The following GAB1 variants were observed in gnomAD, a reference collection of about 807,000 sequenced individuals.
GAB1 encodes the protein GRB2-associated-binding protein 1.
In GAB1, 19 loss-of-function variants were observed where a neutral mutation model predicts 66.5. The observed-to-expected ratio is 0.29, with a 90% confidence interval of 0.20 to 0.42. The LOEUF (loss-of-function observed/expected upper bound fraction) is 0.42, where lower values mean the gene tolerates loss of function less well. Among genes scored for constraint, GAB1 ranks in the 10% least tolerant of loss-of-function variants. The pLI is 1.00. For synonymous variants in GAB1, 294 were observed against 301.4 expected, an observed-to-expected ratio of 0.98 and a Z score of 0.25; for missense variants, 732 against 858.5, an observed-to-expected ratio of 0.85 and a Z score of 1.84.
intron 6 of GAB1, chr4:143,457,745 G>T: frequency 6.3e-7 from 1 of 1,577,280 alleles, no homozygotes. Flanking sequence ...ACAAACCATA[G>T]GTGACTTTGC....
intron 1 of GAB1, among the ~76,000 whole-genome samples, chr4:143,346,584 A>G (rs1240893389): frequency 2.0e-5 from 3 of 152,200 alleles, no homozygotes; most frequent in Non-Finnish European, 1.5e-5. Flanking sequence ...AGCGTTTTGA[A>G]TTCCAGTGCT....
chr4:143,449,287 C>G (rs1202523898), intron 6 of GAB1, among the ~76,000 whole-genome samples: 1 of 151,728 alleles, frequency 6.6e-6, no homozygotes, highest in Non-Finnish European at 1.5e-5. Context: ...GTGGAGAGTT[C>G]TGTAGATGTC....
intron 1 of GAB1, among the ~76,000 whole-genome samples, chr4:143,347,017 C>T (rs962268755): frequency 1.3e-5 from 2 of 152,210 alleles, no homozygotes; most frequent in Admixed American, 6.5e-5. Flanking sequence ...GAAAAGCAAG[C>T]GTAATATATT....
chr4:143,449,330 A>G (rs1056385204), intron 6 of GAB1, among the ~76,000 whole-genome samples: 4 of 151,694 alleles, frequency 2.6e-5, no homozygotes, highest in African/African-American at 7.3e-5. Context: ...GCTGAGTTCA[A>G]TTCCTGGGTA....
chr4:143,461,779 T>G (rs932510967), intron 8 of GAB1, among the ~76,000 whole-genome samples: 4 of 152,200 alleles, frequency 2.6e-5, no homozygotes, highest in African/African-American at 9.6e-5. Context: ...TGGCCCTATA[T>G]TATTTAAAAC....
chr4:143,447,344 A>G (rs927053738), intron 6 of GAB1, among the ~76,000 whole-genome samples: 2 of 152,206 alleles, frequency 1.3e-5, no homozygotes, highest in African/African-American at 4.8e-5. Context: ...AGTCATTGGT[A>G]GATTGATGGG....
chr4:143,401,151 A>G (rs1029923802), intron 1 of GAB1, among the ~76,000 whole-genome samples: 2 of 152,138 alleles, frequency 1.3e-5, no homozygotes, highest in Non-Finnish European at 2.9e-5. Context: ...CTATAAGTAG[A>G]TTGTCTAGTA....
chr4:143,354,248 G>T (rs1729352301), intron 1 of GAB1, among the ~76,000 whole-genome samples: 5 of 151,782 alleles, frequency 3.3e-5, no homozygotes, highest in Admixed American at 2.6e-4. Flanking sequence ...ATATATCTTG[G>T]TGTATCTCCT....
chr4:143,437,143 C>G (rs1733979671), intron 3 of GAB1, among the ~76,000 whole-genome samples: 1 of 151,408 alleles, frequency 6.6e-6, no homozygotes, highest in African/African-American at 2.4e-5. Flanking sequence ...AAGGTAAGCC[C>G]TTTAAAAAAA....
At chr4:143,447,021 A>C (rs34211583) in intron 6 of GAB1, among the ~76,000 whole-genome samples, 16,671 of 152,166 alleles carry the variant, frequency 0.11, 1,243 homozygotes, top group Non-Finnish European at 0.17. Flanking sequence ...GTGGCTAGCC[A>C]GTTTTCCCAG....
Position 143,466,106 on chromosome 4 carries a change from C to A in GAB1, c.1807C>A (p.Leu603Ile). Residue 603 changes from leucine to isoleucine, a missense_variant, in exon 9 of 10, where the codon CTC becomes ATC. By Grantham distance (5) the Leu-to-Ile change is conservative. Around this residue, in one of 4 missense-constraint regions of GAB1, gnomAD observed 204 missense variants for 276.8 expected, o/e 0.74. Transcript: ENST00000262994. ...NPNLSSEDPN[L>I]FGSNSLDGGS... is the part of the protein sequence containing the mutation. ...TTTTGTTGTCTAATACTTTCAGAAT[C>A]TCTTTGGCAGTAACAGTCTTGATGG... The A allele has an allele frequency of 6.2e-7, 1 of 1,613,406 alleles. No homozygotes were observed. Among genetic ancestry groups the A allele is most frequent in the South Asian group, 1.1e-5 (1 of 91,018 alleles).
At chr4:143,462,862 A>G (rs1735574633) in intron 8 of GAB1, among the ~76,000 whole-genome samples, 1 of 152,076 alleles carries the variant, frequency 6.6e-6, no homozygotes. Flanking sequence ...GGGTTTCATC[A>G]TGTTGCGCAG....
At chr4:143,390,714 A>G (rs1731146316) in intron 1 of GAB1, among the ~76,000 whole-genome samples, 1 of 152,164 alleles carries the variant, frequency 6.6e-6, no homozygotes, top group South Asian at 2.1e-4. Context: ...TAAAGGGCAT[A>G]CAACTTTTTT....
chr4:143,403,617 C>G (rs1416261761), intron 1 of GAB1, among the ~76,000 whole-genome samples: 1 of 152,192 alleles, frequency 6.6e-6, no homozygotes, highest in African/African-American at 2.4e-5. Flanking sequence ...ACACCCGTAG[C>G]CCTCATGGGG....
chr4:143,406,429 C>T (rs1475442384), intron 1 of GAB1, among the ~76,000 whole-genome samples: 2 of 152,170 alleles, frequency 1.3e-5, no homozygotes, highest in Non-Finnish European at 1.5e-5. Context: ...CCTCTGCCTC[C>T]GCAAGTTCTT....
intron 9 of GAB1, among the ~76,000 whole-genome samples, chr4:143,468,502 T>C (rs1735917037): frequency 6.6e-6 from 1 of 151,856 alleles, no homozygotes; most frequent in African/African-American, 2.4e-5. Flanking sequence ...CGTGAGCCAC[T>C]GTGCCCAGCT....
chr4:143,339,201 C>G (rs1728751270), intron 1 of GAB1, among the ~76,000 whole-genome samples: 3 of 152,214 alleles, frequency 2.0e-5, no homozygotes, highest in African/African-American at 7.2e-5. Flanking sequence ...TCACCTAGTT[C>G]ATTTCAAATG....
intron 6 of GAB1, among the ~76,000 whole-genome samples, 193 bp from the exon 7 acceptor site, chr4:143,459,192 T>C (rs1382428801): frequency 6.6e-6 from 1 of 152,108 alleles, no homozygotes; most frequent in African/African-American, 2.4e-5. Flanking sequence ...TGATTTAGCT[T>C]TTACCACTAA....
chr4:143,418,230 G>T (rs1732801302), intron 2 of GAB1, among the ~76,000 whole-genome samples: 1 of 152,230 alleles, frequency 6.6e-6, no homozygotes, highest in African/African-American at 2.4e-5. Context: ...AAAACCTCAA[G>T]AAATTGTTTC....
Sources: allele counts gnomAD v4.1 joint callset (sites outside exome capture counted in the v4.1 genomes callset), GRCh38; gene constraint gnomAD v4.1.1; regional missense constraint gnomAD v4.1.1; transcripts MANE v1.5; gene names NCBI Gene and HGNC (gene_info 2026-07-23, HGNC 2026-07-21).